Variants in STXBP5L observed in about 807,000 individuals in gnomAD.
STXBP5L encodes syntaxin binding protein 5L.
A neutral mutation model predicts 144.5 loss-of-function variants in STXBP5L; 65 were observed. The observed-to-expected ratio is 0.45, with a 90% CI of 0.37 to 0.55. The LOEUF is 0.55. STXBP5L is among the 20% of genes least tolerant of loss of function. STXBP5L has a pLI of 0.00. For missense variants in STXBP5L, 1,298 were observed against 1,405.5 expected (o/e 0.92, Z 1.22); for synonymous variants, 505 against 469.6 (o/e 1.08, Z -0.97).
At chr3:121,107,728 G>T (rs1396611105) in intron 5 of STXBP5L, among the ~76,000 whole-genome samples, 2 of 151,996 alleles carry the variant, frequency 1.3e-5, no homozygotes, top group Non-Finnish European at 2.9e-5. Flanking sequence ...TTTTAAAGTA[G>T]TTTTTTCTAA....
intron 5 of STXBP5L, among the ~76,000 whole-genome samples, chr3:121,102,966 T>C: frequency 6.6e-6 from 1 of 151,994 alleles, no homozygotes; most frequent in Non-Finnish European, 1.5e-5. Context: ...ACATAACTAA[T>C]CATCAGAGAA....
chr3:120,931,253 C>T (rs534317264), intron 2 of STXBP5L, among the ~76,000 whole-genome samples: 35 of 152,138 alleles, frequency 2.3e-4, no homozygotes, highest in Non-Finnish European at 3.8e-4. Context: ...TATCCTAAGA[C>T]GTTTTAACTA....
chr3:120,992,018 T>C (rs1942940149), intron 3 of STXBP5L, among the ~76,000 whole-genome samples: 1 of 152,202 alleles, frequency 6.6e-6, no homozygotes, highest in Non-Finnish European at 1.5e-5. Flanking sequence ...TTATATGGTA[T>C]ATTTCTTTCC....
intron 20 of STXBP5L, among the ~76,000 whole-genome samples, chr3:121,376,779 C>A (rs1271294526): frequency 6.6e-6 from 1 of 151,824 alleles, no homozygotes. Context: ...AAGAAAGTAG[C>A]TTGATGGGAA....
intron 10 of STXBP5L, among the ~76,000 whole-genome samples, chr3:121,214,019 G>T (rs1432553481): frequency 1.3e-5 from 2 of 152,030 alleles, no homozygotes; most frequent in African/African-American, 4.8e-5. Context: ...ATTCTCTGAT[G>T]GTAGTTTGTA....
At chr3:121,020,471 A>G (rs1031710600) in intron 3 of STXBP5L, among the ~76,000 whole-genome samples, 4 of 152,224 alleles carry the variant, frequency 2.6e-5, no homozygotes, top group Non-Finnish European at 5.9e-5. Flanking sequence ...TCGGTTATCT[A>G]AAATCATGAT....
intron 3 of STXBP5L, among the ~76,000 whole-genome samples, chr3:120,973,908 A>T (rs1477488316): frequency 6.6e-6 from 1 of 152,174 alleles, no homozygotes; most frequent in Admixed American, 6.5e-5. Context: ...TCCATGGTGT[A>T]TATATGCCAC....
At chr3:121,184,748 C>T (rs189501211) in intron 9 of STXBP5L, among the ~76,000 whole-genome samples, 4 of 152,094 alleles carry the variant, frequency 2.6e-5, no homozygotes, top group Admixed American at 6.6e-5. Context: ...AAAGCAAACC[C>T]AAGACACACA....
In STXBP5L at chr3:121,288,685, A is replaced by C. The variant is rs57947078; in HGVS notation, c.2110+8729A>C. Among the ~76,000 whole-genome samples, 381 of 152,070 alleles carry C rather than the reference A, an allele frequency of 2.5e-3. 2 individuals carry two copies. Among genetic ancestry groups the C allele is most frequent in the African/African-American group, 8.6e-3 (358 of 41,454 alleles). ...ATGTCTTTTGCCTACTTTTTAATAA[A>C]ATCATTTTTTTTGTTACAAATTTGT... On this transcript the variant is annotated intron_variant, in intron 19 of 26. Coordinates refer to ENST00000471454, the MANE Select transcript of STXBP5L (RefSeq NM_001308330.2).
At chr3:120,978,905 G>A (rs548404397) in intron 3 of STXBP5L, among the ~76,000 whole-genome samples, 1 of 152,200 alleles carries the variant, frequency 6.6e-6, no homozygotes, top group Admixed American at 6.5e-5. Context: ...TCCTCTGGAA[G>A]TTTTGTCTCA....
At chr3:121,331,169 AC>A (rs2044309749) in intron 20 of STXBP5L, among the ~76,000 whole-genome samples, 1 of 152,224 alleles carries the variant, frequency 6.6e-6, no homozygotes, top group Admixed American at 6.5e-5. Flanking sequence ...GGTCTTGAGT[AC>A]CAAACTTTCC....
chr3:121,025,976 T>A (rs1945904938), intron 3 of STXBP5L, among the ~76,000 whole-genome samples: 1 of 146,454 alleles, frequency 6.8e-6, no homozygotes, highest in Non-Finnish European at 1.5e-5. Flanking sequence ...ATATTAATGT[T>A]AATAATATAT....
At chr3:120,939,071 G>T (rs1710420310) in intron 2 of STXBP5L, among the ~76,000 whole-genome samples, 1 of 152,066 alleles carries the variant, frequency 6.6e-6, no homozygotes, top group Non-Finnish European at 1.5e-5. Context: ...GCTTGTGTCA[G>T]GACTCCTGGC....
chr3:121,037,870 T>C (rs1359839086), intron 3 of STXBP5L, among the ~76,000 whole-genome samples: 1 of 152,074 alleles, frequency 6.6e-6, no homozygotes, highest in Admixed American at 6.6e-5. Context: ...AATTTCCTAC[T>C]TCTCCTTGTG....
chr3:120,915,335 C>A (rs945249910), intron 2 of STXBP5L, among the ~76,000 whole-genome samples: 2 of 152,042 alleles, frequency 1.3e-5, no homozygotes, highest in African/African-American at 4.8e-5. Flanking sequence ...GGATTAAGTT[C>A]ATATTTACTT....
At chr3:121,157,658 A>G in intron 9 of STXBP5L, 31 bp downstream of exon 9, 2 of 1,579,092 alleles carry the variant, frequency 1.3e-6, no homozygotes, top group African/African-American at 1.4e-5. Flanking sequence ...AGGAATAAAC[A>G]CTGGCAATTC....
chr3:121,256,147 TA>T (rs2050199445), intron 16 of STXBP5L, among the ~76,000 whole-genome samples: 1 of 152,048 alleles, frequency 6.6e-6, no homozygotes, highest in South Asian at 2.1e-4. Context: ...AAAATAAAAA[TA>T]AACTTGGAAT....
chr3:121,387,573 A>G (rs1002968285), intron 22 of STXBP5L, among the ~76,000 whole-genome samples: 1 of 152,162 alleles, frequency 6.6e-6, no homozygotes, highest in East Asian at 1.9e-4. Flanking sequence ...TCTTGAATTA[A>G]TTTTTGTTTA....
At chr3:121,111,623 G>A (rs979743815) in intron 5 of STXBP5L, among the ~76,000 whole-genome samples, 8 of 152,138 alleles carry the variant, frequency 5.3e-5, no homozygotes, top group East Asian at 1.9e-4. Context: ...TCCCAGAGGG[G>A]CACCAACCTT....
Sources: allele counts gnomAD v4.1 joint callset (sites outside exome capture counted in the v4.1 genomes callset), GRCh38; gene constraint gnomAD v4.1.1; transcripts MANE v1.5; gene names NCBI Gene and HGNC (gene_info 2026-07-23, HGNC 2026-07-21).